Variants in ZBTB44 observed in about 807,000 individuals in gnomAD.
ZBTB44 encodes zinc finger and BTB domain-containing protein 44.
In ZBTB44, 15 loss-of-function variants were observed where a neutral mutation model predicts 54.0. The ratio of observed to expected loss-of-function variants is 0.28; its 90% CI spans 0.19 to 0.43. The LOEUF (loss-of-function observed/expected upper bound fraction) is 0.43, where lower values mean the gene tolerates loss of function less well. ZBTB44 is among the 20% of genes least tolerant of loss of function. ZBTB44 has a pLI of 1.00. For missense variants in ZBTB44, 487 were observed against 707.1 expected, an observed-to-expected ratio of 0.69 and a Z score of 3.53; for synonymous variants, 230 against 250.1, an observed-to-expected ratio of 0.92 and a Z score of 0.76.
chr11:130,302,322 T>C (rs1471455431), intron 1 of ZBTB44, among the ~76,000 whole-genome samples: 1 of 152,160 alleles, frequency 6.6e-6, no homozygotes, highest in African/African-American at 2.4e-5. Context: ...CACTATGCTA[T>C]ACTGCCTCTC....
Position 130,261,769 on chromosome 11 carries a change from A to T in ZBTB44, c.105T>A (p.Ile35=), listed in dbSNP as rs748016620. ...CCCGGAAGATTTTGTCCTGGACACGAATAGTGATATCACAAAAATGTCCAT... is the reference window on the plus strand; with the variant it reads ...CCCGGAAGATTTTGTCCTGGACACGTATAGTGATATCACAAAAATGTCCAT... ...RNDGHFCDIT[I]RVQDKIFRAH... The change falls in exon 2 of 8, where the codon ATT becomes ATA. Residue 35 remains isoleucine, a synonymous_variant. Coordinates refer to ENST00000357899, the MANE Select transcript of ZBTB44 (RefSeq NM_001301098.2). The surrounding 1 kb of genome is among the most constrained non-coding windows in gnomAD (Gnocchi z 4.8). The T allele has an allele frequency of 8.1e-6, 13 of 1,614,064 alleles. No individual in the cohort carries two copies. The highest frequency in any genetic ancestry group is 8.5e-6 in the Non-Finnish European group (10 of 1,179,896).
intron 2 of ZBTB44, among the ~76,000 whole-genome samples, chr11:130,242,142 C>T (rs1293942328): frequency 6.6e-6 from 1 of 152,150 alleles, no homozygotes; most frequent in Non-Finnish European, 1.5e-5. Flanking sequence ...ATAAATATTC[C>T]ATTTCTCCCC....
rs1259500134 is a variant in ZBTB44, at chr11:130,226,749, A to G, written c.*5015T>C. Reference sequence around the variant, plus strand: ...AATCAAACCTTAGTCTCATGTTTCTATCTAAAGACACTCAAAACTAGTTTT... The same window carrying G: ...AATCAAACCTTAGTCTCATGTTTCTGTCTAAAGACACTCAAAACTAGTTTT... On this transcript the variant is annotated 3_prime_UTR_variant, in exon 8 of 8. Coordinates refer to ENST00000357899, the MANE Select transcript of ZBTB44 (RefSeq NM_001301098.2). 6.6e-6 allele frequency: 1 copy of G among 152,202 alleles called. No homozygotes were observed. Among genetic ancestry groups the G allele is most frequent in the African/African-American group, 2.4e-5 (1 of 41,464 alleles). The allele number at this position is 152,202 out of a possible 1,614,324, so 9.4% of individuals were successfully genotyped here.
intron 1 of ZBTB44, among the ~76,000 whole-genome samples, chr11:130,307,428 A>C (rs1296227064): frequency 1.3e-5 from 2 of 151,242 alleles, no homozygotes; most frequent in Non-Finnish European, 3.0e-5. Context: ...CTGTCTCAAA[A>C]AAAAAAAAAA....
chr11:130,238,650 TA>T, intron 3 of ZBTB44, 43 bp from the exon 4 acceptor site: 2 of 1,570,608 alleles, frequency 1.3e-6, no homozygotes, highest in African/African-American at 2.7e-5. Context: ...CTCTGATTTT[TA>T]AACTGAATAA....
rs1953790735 is a variant in ZBTB44 at position 130,229,295 on chromosome 11, G to A, written c.*2469C>T. 1 of 152,068 alleles carries A rather than the reference G, an allele frequency of 6.6e-6. No individual in the cohort carries two copies. Among genetic ancestry groups the A allele is most frequent in the African/African-American group, 2.4e-5 (1 of 41,400 alleles). 9.4% of individuals were successfully genotyped at this position (152,068 alleles called of 1,614,324 possible). ...TTAAAAAAAAGTATGACCACTGATG[G>A]TACTGGTACTACAAGTCTTCATCCC... On this transcript the variant is annotated 3_prime_UTR_variant, in exon 8 of 8. Transcript: ENST00000357899.
chr11:130,269,351 T>C (rs1307960918), intron 1 of ZBTB44, among the ~76,000 whole-genome samples: 9 of 152,188 alleles, frequency 5.9e-5, no homozygotes, highest in South Asian at 2.1e-4. Flanking sequence ...TGTGTAGTTA[T>C]AAGTTTAATT....
intron 1 of ZBTB44, among the ~76,000 whole-genome samples, chr11:130,275,670 C>T (rs1037044977): frequency 6.6e-6 from 1 of 152,104 alleles, no homozygotes; most frequent in Admixed American, 6.5e-5. Flanking sequence ...ACTCTGTTGC[C>T]AGACTGGTAT....
At chr11:130,312,720 T>C (rs150142135) in intron 1 of ZBTB44, among the ~76,000 whole-genome samples, 92 of 152,238 alleles carry the variant, frequency 6.0e-4, no homozygotes, top group African/African-American at 2.1e-3. Context: ...AATCACCAAA[T>C]GCAATCAATG....
chr11:130,232,783 T>A (rs1403869619), intron 7 of ZBTB44: 1 of 152,300 alleles, frequency 6.6e-6, no homozygotes, highest in East Asian at 1.9e-4. Context: ...GGAGGATCAC[T>A]TGGTCTAGGA....
chr11:130,289,499 G>C (rs1045468570), intron 1 of ZBTB44, among the ~76,000 whole-genome samples: 3 of 141,462 alleles, frequency 2.1e-5, no homozygotes, highest in African/African-American at 5.4e-5. Context: ...AAAAAAAAAA[G>C]ATTTAGGTAA....
chr11:130,288,283 A>G (rs1941091868), intron 1 of ZBTB44, among the ~76,000 whole-genome samples: 1 of 151,886 alleles, frequency 6.6e-6, no homozygotes, highest in South Asian at 2.1e-4. Flanking sequence ...CTGAGGCAGG[A>G]GAATCACTTG....
chr11:130,238,296 A>G (rs1444289138), intron 4 of ZBTB44, 148 bp downstream of exon 4: 3 of 1,027,508 alleles, frequency 2.9e-6, no homozygotes, highest in African/African-American at 3.3e-5. Context: ...GCATCATTTC[A>G]GCAATAAACC....
chr11:130,261,473 T>C lies in ZBTB44; in HGVS notation c.401A>G (p.Asn134Ser), dbSNP rs1434884109. 1 of 1,613,974 alleles carries C rather than the reference T, an allele frequency of 6.2e-7. No individual in the cohort carries two copies. Among genetic ancestry groups the C allele is most frequent in the Non-Finnish European group, 8.5e-7 (1 of 1,179,876 alleles). Residue 134 changes from asparagine (N) to serine (S), a missense_variant, in exon 2 of 8, where the codon AAC becomes AGC. By Grantham distance (46) the Asn-to-Ser change is conservative. Around this residue, in one of 3 missense-constraint regions of ZBTB44, gnomAD observed 277 missense variants for 306.5 expected, o/e 0.90. Transcript: ENST00000357899. This position sits in a 1 kb window ranked among gnomAD's most constrained non-coding sequence, Gnocchi z 4.8. The part of the protein sequence containing the change: ...MKSSILWNTP[N>S]SQPEKGLDAG... Reference sequence around the variant, plus strand: ...ATCTAGACCCTTTTCAGGTTGGCTGTTGGGTGTATTCCATAAAATGCTTGA... The same window carrying C: ...ATCTAGACCCTTTTCAGGTTGGCTGCTGGGTGTATTCCATAAAATGCTTGA...
chr11:130,238,807 T>A, intron 3 of ZBTB44, 200 bp from the exon 4 acceptor site: 1 of 555,746 alleles, frequency 1.8e-6, no homozygotes, highest in Non-Finnish European at 2.9e-6. Flanking sequence ...TTTTTTTTTA[T>A]TTTTTGAGAC....
chr11:130,244,981 A>G (rs1954579506), intron 2 of ZBTB44, among the ~76,000 whole-genome samples: 1 of 152,218 alleles, frequency 6.6e-6, no homozygotes, highest in African/African-American at 2.4e-5. Flanking sequence ...TGACTTCTTA[A>G]ATGAAGGACA....
At chr11:130,255,775 C>T (rs112457549) in intron 2 of ZBTB44, among the ~76,000 whole-genome samples, 2,079 of 151,982 alleles carry the variant, frequency 0.014, 20 homozygotes, top group African/African-American at 0.022. Context: ...AACACCTCTT[C>T]GCAAATAAAC....
At chr11:130,273,799 T>A (rs2134213057) in intron 1 of ZBTB44, among the ~76,000 whole-genome samples, 1 of 152,262 alleles carries the variant, frequency 6.6e-6, no homozygotes, top group Admixed American at 6.5e-5. Flanking sequence ...CCAGGCATGG[T>A]GGCTCACATC....
intron 1 of ZBTB44, among the ~76,000 whole-genome samples, chr11:130,289,132 T>C (rs1941149680): frequency 1.3e-5 from 2 of 152,068 alleles, no homozygotes; most frequent in South Asian, 2.1e-4. Context: ...ATGGGTGTAA[T>C]GTTTGTGTAT....
Sources: allele counts gnomAD v4.1 joint callset (sites outside exome capture counted in the v4.1 genomes callset), GRCh38; gene constraint gnomAD v4.1.1; regional missense constraint gnomAD v4.1.1; non-coding constraint Gnocchi (gnomAD v3.1); transcripts MANE v1.5; gene names NCBI Gene and HGNC (gene_info 2026-07-23, HGNC 2026-07-21).